The following SLC24A2 variants were observed in gnomAD, a reference collection of about 807,000 sequenced individuals.
SLC24A2 encodes solute carrier family 24 member 2.
SLC24A2 carries 36 observed loss-of-function variants against 62.0 expected under a neutral mutation model. That is an observed-to-expected ratio of 0.58 (90% CI 0.44 to 0.77). The LOEUF is 0.77. Ranked by LOEUF, SLC24A2 falls within the 30% of genes least tolerant of loss-of-function variation. The pLI is 0.00. For synonymous variants in SLC24A2, 358 were observed against 294.0 expected, an observed-to-expected ratio of 1.22 and a Z score of -2.23; for missense variants, 846 against 817.9, an observed-to-expected ratio of 1.03 and a Z score of -0.42.
At chr9:20,300,715 C>T in the SLC24A2 span, among the ~76,000 whole-genome samples, 1 of 152,130 alleles carries the variant, frequency 6.6e-6, no homozygotes, top group Non-Finnish European at 1.5e-5. Flanking sequence ...AAAAATGCCC[C>T]AGCCAGCTAA....
intron 2 of SLC24A2, among the ~76,000 whole-genome samples, chr9:19,680,995 T>C (rs1819705523): frequency 6.6e-6 from 1 of 151,930 alleles, no homozygotes; most frequent in African/African-American, 2.4e-5. Flanking sequence ...TCTGCCTTCA[T>C]CCCAGCTTGT....
At chr9:20,217,965 A>C in the SLC24A2 span, among the ~76,000 whole-genome samples, 3 of 152,306 alleles carry the variant, frequency 2.0e-5, no homozygotes, top group Admixed American at 2.0e-4. Flanking sequence ...GAAAACAGTC[A>C]ACTAGTCATT....
At chr9:19,897,962 C>A in the SLC24A2 span, among the ~76,000 whole-genome samples, 1 of 152,182 alleles carries the variant, frequency 6.6e-6, no homozygotes, top group African/African-American at 2.4e-5. Flanking sequence ...GTATCAGCCA[C>A]AGTCCGGTCA....
chr9:20,101,095 G>A, the SLC24A2 span, among the ~76,000 whole-genome samples: 1 of 152,196 alleles, frequency 6.6e-6, no homozygotes, highest in African/African-American at 2.4e-5. Context: ...GTGGAGTGCT[G>A]AATTTCACAA....
At chr9:20,139,309 G>A in the SLC24A2 span, among the ~76,000 whole-genome samples, 2 of 152,170 alleles carry the variant, frequency 1.3e-5, no homozygotes, top group Admixed American at 6.5e-5. Context: ...GAGTCCTCAG[G>A]CAAGTCGCTT....
chr9:19,530,885 C>G (rs1887489), intron 8 of SLC24A2, among the ~76,000 whole-genome samples: 126,832 of 152,142 alleles, frequency 0.83, 53,062 homozygotes, highest in East Asian at 1. Context: ...AGATAAAATT[C>G]AAACTAGGTC....
chr9:19,573,299 A>C, intron 7 of SLC24A2, 52 bp downstream of exon 7: 3 of 1,210,700 alleles, frequency 2.5e-6, no homozygotes, highest in Non-Finnish European at 3.7e-6. Flanking sequence ...CTGCCACGCT[A>C]GGATATCAGT....
At chr9:20,151,785 T>G in the SLC24A2 span, among the ~76,000 whole-genome samples, 1 of 151,762 alleles carries the variant, frequency 6.6e-6, no homozygotes, top group South Asian at 2.1e-4. Flanking sequence ...CACTTTCATC[T>G]TTTGCTAAAG....
At chr9:20,198,125 G>T in the SLC24A2 span, among the ~76,000 whole-genome samples, 2 of 152,202 alleles carry the variant, frequency 1.3e-5, no homozygotes, top group Admixed American at 6.5e-5. Context: ...GATCCCCAGG[G>T]ATTGAGGGGG....
At chr9:19,770,773 A>T (rs1822662862) in intron 2 of SLC24A2, among the ~76,000 whole-genome samples, 1 of 152,228 alleles carries the variant, frequency 6.6e-6, no homozygotes, top group Non-Finnish European at 1.5e-5. Flanking sequence ...CCTCAGAAAG[A>T]TATTTATTTC....
the SLC24A2 span, among the ~76,000 whole-genome samples, chr9:19,862,894 C>T: frequency 6.6e-6 from 1 of 151,776 alleles, no homozygotes; most frequent in Admixed American, 6.6e-5. Flanking sequence ...GAGAAAATCA[C>T]CTCCACTGAA....
At chr9:20,075,098 T>A in the SLC24A2 span, among the ~76,000 whole-genome samples, 3 of 152,224 alleles carry the variant, frequency 2.0e-5, no homozygotes, top group Non-Finnish European at 4.4e-5. Context: ...GTAATATTTT[T>A]TCATGTCACT....
At chr9:19,972,940 A>C in the SLC24A2 span, among the ~76,000 whole-genome samples, 1 of 152,166 alleles carries the variant, frequency 6.6e-6, no homozygotes, top group Non-Finnish European at 1.5e-5. Context: ...TGCCTGTTTA[A>C]ATAACGATGT....
chr9:20,089,822 A>T, the SLC24A2 span, among the ~76,000 whole-genome samples: 133 of 152,080 alleles, frequency 8.7e-4, 1 homozygote, highest in African/African-American at 3.0e-3. Context: ...AGAACACCAC[A>T]GCACAGAGAG....
At chr9:20,159,974 A>G in the SLC24A2 span, among the ~76,000 whole-genome samples, 1 of 151,568 alleles carries the variant, frequency 6.6e-6, no homozygotes, top group East Asian at 2.0e-4. Context: ...GGATAGGCTT[A>G]CCTTGCTTAT....
chr9:19,581,549 T>G (rs1044301846), intron 5 of SLC24A2, among the ~76,000 whole-genome samples: 4 of 152,216 alleles, frequency 2.6e-5, no homozygotes, highest in Admixed American at 2.0e-4. Context: ...CATGTTTCAA[T>G]GGCCTCTGAT....
At chr9:19,567,830 A>G (rs1835719811) in intron 7 of SLC24A2, among the ~76,000 whole-genome samples, 1 of 152,132 alleles carries the variant, frequency 6.6e-6, no homozygotes, top group Admixed American at 6.6e-5. Flanking sequence ...AAAAAGTCAT[A>G]TTATTTCTTG....
rs1196168451 is a variant in SLC24A2, at chr9:19,704,139, TG to T, written c.930+81797del. On this transcript the variant is annotated intron_variant, in intron 2 of 10. Coordinates refer to ENST00000341998, the MANE Select transcript of SLC24A2 (RefSeq NM_020344.4). ...GTGGACCAATATTTTCACCTATACC[TG>T]GAACTTGTTAAGATTCAGTTTCTGA... Among the ~76,000 whole-genome samples, 4 of 145,986 alleles carry T rather than the reference TG, an allele frequency of 2.7e-5. No homozygotes were observed. The Admixed American group carries it at 2.8e-4, about 10-fold the overall frequency.
the SLC24A2 span, among the ~76,000 whole-genome samples, chr9:19,808,239 AGATGTACTTGAATTAACTGCAGTATT>A: frequency 1.3e-5 from 2 of 152,226 alleles, no homozygotes; most frequent in Non-Finnish European, 2.9e-5. The surrounding 1 kb of genome is among the most constrained non-coding windows in gnomAD (Gnocchi z 4.1). Context: ...CAGATGACAC[AGATGTACTTGAATTAACTGCAGTATT>A]CTTTCTCATC....
Sources: allele counts gnomAD v4.1 joint callset (sites outside exome capture counted in the v4.1 genomes callset), GRCh38; gene constraint gnomAD v4.1.1; non-coding constraint Gnocchi (gnomAD v3.1); transcripts MANE v1.5; gene names NCBI Gene and HGNC (gene_info 2026-07-23, HGNC 2026-07-21).